The following SLC11A2 variants were observed in gnomAD, a reference collection of about 807,000 sequenced individuals.
SLC11A2 encodes the protein solute carrier family 11 member 2, also known as natural resistance-associated macrophage protein 2.
In SLC11A2, 38 loss-of-function variants were observed where a neutral mutation model predicts 68.0. The ratio of observed to expected loss-of-function variants is 0.56; its 90% CI spans 0.43 to 0.73. SLC11A2 has a LOEUF of 0.73. SLC11A2 is among the 30% of genes least tolerant of loss of function. The probability of loss-of-function intolerance (pLI) is 0.00; values close to 1 mark genes in which losing one functional copy is unlikely to be tolerated. For synonymous variants in SLC11A2, 242 were observed against 250.6 expected, an observed-to-expected ratio of 0.97 and a Z score of 0.32; for missense variants, 517 against 690.5, an observed-to-expected ratio of 0.75 and a Z score of 2.82.
chr12:50,987,401 C>A lies in SLC11A2; in HGVS notation c.*924G>T, dbSNP rs1260067465. The A allele has an allele frequency of 8.5e-6, 11 of 1,287,176 alleles. No homozygotes were observed. In the South Asian group the frequency reaches 1.4e-4, roughly 16 times the overall value. 79.7% of individuals were successfully genotyped at this position (1,287,176 alleles called of 1,614,324 possible). A position where few individuals can be genotyped will look rare whatever the true frequency, so the allele number is the denominator to read the frequency against. On this transcript the variant is annotated 3_prime_UTR_variant, in exon 16 of 16. Coordinates refer to ENST00000262052, the MANE Select transcript of SLC11A2 (RefSeq NM_000617.3). The stretch of plus-strand genomic sequence containing the variant: ...TTCTGCTGAGAGGTGGCTTTAGGAA[C>A]AAAATAGATGGCTCTCCTCCCTTAA...
chr12:50,988,383 G>C lies in SLC11A2; in HGVS notation c.1628C>G (p.Thr543Arg). Reference sequence around the variant, plus strand: ...CAGCAGGCCTTTAGAGATGCTTACCGTATGCCCACAGTCCAGGAAGGACAT... The same window carrying C: ...CAGCAGGCCTTTAGAGATGCTTACCCTATGCCCACAGTCCAGGAAGGACAT... ...LGMSFLDCGH[T>R]VSISKGLLTE... is the part of the protein sequence containing the mutation. The change falls in exon 16 of 16, where the codon ACG becomes AGG. Residue 543 changes from threonine to arginine, a missense_variant. By Grantham distance (71) the Thr-to-Arg change is moderately conservative (BLOSUM62 -1). Transcript: ENST00000262052. 6.2e-7 allele frequency: 1 copy of C among 1,614,004 alleles called. No homozygotes were observed. The highest frequency in any genetic ancestry group is 1.7e-4 in the Middle Eastern group (1 of 6,060).
downstream of SLC11A2, among the ~76,000 whole-genome samples, chr12:50,985,735 G>A (rs946586442): frequency 6.6e-6 from 1 of 152,192 alleles, no homozygotes; most frequent in Non-Finnish European, 1.5e-5. Flanking sequence ...TGGTAATGAT[G>A]TGACCTTTAG....
At position 50,986,019 on chromosome 12, in the gene SLC11A2, G is replaced by C. The variant is rs1207909695; in HGVS notation, c.*2306C>G. The C allele has an allele frequency of 1.7e-6, 2 of 1,151,934 alleles. No homozygotes were observed. The highest frequency in any genetic ancestry group is 2.2e-6 in the Non-Finnish European group (2 of 921,712). 71.4% of individuals were successfully genotyped at this position (1,151,934 alleles called of 1,614,324 possible). A position where few individuals can be genotyped will look rare whatever the true frequency, so the allele number is the denominator to read the frequency against. On this transcript the variant is annotated 3_prime_UTR_variant, in exon 16 of 16. Coordinates refer to ENST00000262052, the MANE Select transcript of SLC11A2 (RefSeq NM_000617.3). ...GGAAAAAGAAATTTTTTTTTAATTA[G>C]AAACCAAGTTTACATACGGTTAAAT... is the stretch of plus-strand genomic sequence containing the variant.
intron 12 of SLC11A2, 78 bp from the exon 13 acceptor site, chr12:50,992,417 T>G: frequency 7.5e-7 from 1 of 1,340,548 alleles, no homozygotes; most frequent in Non-Finnish European, 1.1e-6. Context: ...AGGAGAGACC[T>G]CAGAAGAATG....
At position 51,025,868 on chromosome 12, in the gene SLC11A2, G is replaced by C. The variant is rs906277560; in HGVS notation, c.-39+442C>G. The C allele has an allele frequency of 3.0e-6, 3 of 988,026 alleles. No homozygotes were observed. The African/African-American group carries it at 5.2e-5, about 17-fold the overall frequency. 61.2% of individuals were successfully genotyped at this position (988,026 alleles called of 1,614,324 possible). A position where few individuals can be genotyped will look rare whatever the true frequency, so the allele number is the denominator to read the frequency against. ...AGTCTTTTGTTGAAGCGGGGCGGCG[G>C]GAGGCCCCGGAGAGCAGCCCGGCCC... On this transcript the variant is annotated intron_variant, in intron 1 of 15. Coordinates refer to ENST00000262052, the MANE Select transcript of SLC11A2 (RefSeq NM_000617.3).
chr12:51,004,129 TA>T, intron 5 of SLC11A2, among the ~76,000 whole-genome samples: 1 of 152,190 alleles, frequency 6.6e-6, no homozygotes, highest in East Asian at 1.9e-4. Flanking sequence ...AAGATTTTTT[TA>T]TTTTTTTGAA....
the SLC11A2 span, among the ~76,000 whole-genome samples, chr12:50,972,230 T>A: frequency 6.6e-6 from 1 of 152,224 alleles, no homozygotes; most frequent in Non-Finnish European, 1.5e-5. Flanking sequence ...GCACTAAAAA[T>A]AGATTAAGAG....
intron 2 of SLC11A2, among the ~76,000 whole-genome samples, chr12:51,010,116 G>A (rs2269686): frequency 0.17 from 25,500 of 151,910 alleles, 2,557 homozygotes; most frequent in East Asian, 0.5. Context: ...CCGGGGAGGC[G>A]GAGGTTGCAG....
chr12:50,994,509 T>A, intron 11 of SLC11A2, 35 bp downstream of exon 11: 1 of 1,349,828 alleles, frequency 7.4e-7, no homozygotes, highest in Non-Finnish European at 1.1e-6. Context: ...AAATACTGAT[T>A]CAGGAACAAA....
At position 51,011,350 on chromosome 12, in the gene SLC11A2, G is replaced by A. The variant is rs867218101; in HGVS notation, c.-38-584C>T. Among the ~76,000 whole-genome samples the A allele has an allele frequency of 4.0e-5, 6 of 151,792 alleles. 1 individual carries two copies. The highest frequency in any genetic ancestry group is 2.0e-4 in the Admixed American group (3 of 15,228). On this transcript the variant is annotated intron_variant, in intron 1 of 15. Transcript: ENST00000262052. ...TCACCGTGTTAGCCAGGATGGTCTC[G>A]ATCTGCTGACCTCGTGATCCGCCCG...
chr12:50,992,633 G>A (rs1266999800), intron 12 of SLC11A2, among the ~76,000 whole-genome samples, 177 bp downstream of exon 12: 1 of 151,150 alleles, frequency 6.6e-6, no homozygotes, highest in African/African-American at 2.4e-5. Context: ...TCGGGAGGCT[G>A]AGTCAGGAGA....
intron 9 of SLC11A2, among the ~76,000 whole-genome samples, chr12:50,996,513 T>G (rs1244533185): frequency 1.3e-5 from 2 of 151,730 alleles, no homozygotes; most frequent in Non-Finnish European, 2.9e-5. Context: ...AGGGAGAGGT[T>G]TGCAGTGAGT....
the SLC11A2 span, among the ~76,000 whole-genome samples, chr12:50,959,113 T>C: frequency 2.0e-5 from 3 of 152,150 alleles, no homozygotes; most frequent in Non-Finnish European, 4.4e-5. Flanking sequence ...ACATCTACCA[T>C]ATCCTCTTTT....
chr12:50,998,454 T>G (rs2136232256), intron 8 of SLC11A2, among the ~76,000 whole-genome samples: 1 of 152,334 alleles, frequency 6.6e-6, no homozygotes, highest in East Asian at 1.9e-4. Flanking sequence ...TTCACCCATG[T>G]TCATTTAAAA....
chr12:51,006,705 C>CCACA (rs1442702539), intron 3 of SLC11A2, among the ~76,000 whole-genome samples: 2 of 152,156 alleles, frequency 1.3e-5, no homozygotes, highest in Non-Finnish European at 2.9e-5. Flanking sequence ...TTTAGACACT[C>CCACA]CACAGCCCCT....
the SLC11A2 span, chr12:50,953,807 C>T: frequency 3.8e-6 from 2 of 520,612 alleles, no homozygotes; most frequent in South Asian, 2.6e-5. Flanking sequence ...TATCCCCTTC[C>T]CCTGCAAAAT....
At chr12:50,952,674 G>A in the SLC11A2 span, among the ~76,000 whole-genome samples, 4 of 152,106 alleles carry the variant, frequency 2.6e-5, no homozygotes, top group African/African-American at 9.7e-5. Context: ...TGTGCAGCTC[G>A]AGGCTTTGCA....
At position 50,988,276 on chromosome 12, in the gene SLC11A2, A is replaced by G. The variant is rs1940795847; in HGVS notation, c.*49T>C. 6.2e-7 allele frequency: 1 copy of G among 1,613,082 alleles called. No homozygotes were observed. Among genetic ancestry groups the G allele is most frequent in the African/African-American group, 1.3e-5 (1 of 74,902 alleles). On this transcript the variant is annotated 3_prime_UTR_variant, in exon 16 of 16. Coordinates refer to ENST00000262052, the MANE Select transcript of SLC11A2 (RefSeq NM_000617.3). ...GCTATGTTCACACAGTAAACCATAG[A>G]AACACACTGGCTCTGATGGCTACCT... is the stretch of plus-strand genomic sequence containing the variant.
intron 11 of SLC11A2, among the ~76,000 whole-genome samples, chr12:50,993,842 A>C (rs1392647973): frequency 6.6e-6 from 1 of 151,522 alleles, no homozygotes; most frequent in Non-Finnish European, 1.5e-5. Context: ...AAGAAAAAAA[A>C]AATAGCCAAG....
Sources: allele counts gnomAD v4.1 joint callset (sites outside exome capture counted in the v4.1 genomes callset), GRCh38; gene constraint gnomAD v4.1.1; transcripts MANE v1.5; gene names NCBI Gene and HGNC (gene_info 2026-07-23, HGNC 2026-07-21).